CCP110: variants seen among roughly 807,000 people sequenced by gnomAD.
CCP110 encodes centriolar coiled-coil protein 110.
A neutral mutation model predicts 105.5 loss-of-function variants in CCP110; 43 were observed. The ratio of observed to expected loss-of-function variants is 0.41; its 90% CI spans 0.32 to 0.53. The LOEUF is 0.53. CCP110 is among the 20% of genes least tolerant of loss of function. The probability of loss-of-function intolerance (pLI) is 0.32; values close to 1 mark genes in which losing one functional copy is unlikely to be tolerated. For synonymous variants in CCP110, 353 were observed against 392.1 expected (o/e 0.90, Z 1.18); for missense variants, 1,016 against 1,189.1 (o/e 0.85, Z 2.14).
At chr16:19,537,541 A>T (rs1479922963) in exon 4 of CCP110, 2 of 1,588,658 alleles carry the variant, frequency 1.3e-6, no homozygotes, top group Non-Finnish European at 1.7e-6. Flanking sequence ...ACCCTAAGGG[A>T]TCTGGCTTCG....
chr16:19,537,273 G>A (rs746111903), exon 4 of CCP110: 4 of 1,614,130 alleles, frequency 2.5e-6, no homozygotes, highest in Non-Finnish European at 3.4e-6. Flanking sequence ...GAGAAAAACT[G>A]CAGTTTGCAA....
chr16:19,525,957 G>A (rs1222785075), intron 1 of CCP110: 2 of 152,642 alleles, frequency 1.3e-5, no homozygotes, highest in African/African-American at 2.4e-5. Context: ...CTTCTCTGAG[G>A]AGGGGATATC....
intron 14 of CCP110, among the ~76,000 whole-genome samples, chr16:19,549,963 A>G (rs1388199531): frequency 6.6e-6 from 1 of 152,240 alleles, no homozygotes; most frequent in Non-Finnish European, 1.5e-5. Context: ...AGTTAGTAAC[A>G]TACAATGAAG....
At chr16:19,529,517 ATTG>A (rs1272729126) in intron 2 of CCP110, among the ~76,000 whole-genome samples, 11 of 152,308 alleles carry the variant, frequency 7.2e-5, no homozygotes, top group African/African-American at 2.6e-4. Context: ...AATTTTTAAC[ATTG>A]TTGTCATCTT....
exon 4 of CCP110, chr16:19,535,996 CTCTAAT>C: frequency 6.2e-7 from 1 of 1,613,876 alleles, no homozygotes; most frequent in Non-Finnish European, 8.5e-7. Context: ...AAACAGTTTA[CTCTAAT>C]TCAGAAGTCA....
chr16:19,543,981 C>G (rs943916815), intron 8 of CCP110, among the ~76,000 whole-genome samples: 1 of 152,158 alleles, frequency 6.6e-6, no homozygotes, highest in Admixed American at 6.5e-5. Flanking sequence ...TCTTTGTTCT[C>G]CTTTTTGCCC....
Position 19,548,576 on chromosome 16 carries a change from G to A in CCP110, c.2962G>A (p.Val988Met). 1 of 1,549,280 alleles carries A rather than the reference G, an allele frequency of 6.5e-7. No homozygotes were observed. The highest frequency in any genetic ancestry group is 8.7e-7 in the Non-Finnish European group (1 of 1,146,022). The stretch of plus-strand genomic sequence containing the variant: ...TAGACAGAAGCCTTCACAGAGCAGA[G>A]TGCCTAACAGAGTGCCTGTTTCAGG... Residue 988 changes from valine (V) to methionine (M), a missense_variant, in exon 14 of 15, where the codon GTG becomes ATG. By Grantham distance (21) the Val-to-Met change is conservative. Coordinates refer to ENST00000381396, the Ensembl canonical transcript of CCP110. The surrounding 1 kb of genome is among the most constrained non-coding windows in gnomAD (Gnocchi z 4.1).
At chr16:19,527,501 A>G (rs776728670) in intron 1 of CCP110, among the ~76,000 whole-genome samples, 5 of 152,146 alleles carry the variant, frequency 3.3e-5, no homozygotes, top group Non-Finnish European at 5.9e-5. Context: ...TTTCTTGTGT[A>G]GATAAGTCCT....
In CCP110 at chr16:19,545,166, C is replaced by T. The variant is rs138289332; in HGVS notation, c.2659C>T (p.His887Tyr). 3.1e-6 allele frequency: 5 copies of T among 1,611,264 alleles called. No individual in the cohort carries two copies. In the African/African-American group the frequency reaches 6.7e-5, roughly 21 times the overall value. ...TGCAGCTGAAAGAATGTCTATTCTA[C>T]ATCATGATCGAGAAGTTCGCAAAGA... The change falls in exon 10 of 15, where the codon CAT becomes TAT. Residue 887 changes from histidine to tyrosine, a missense_variant. By Grantham distance (83) the His-to-Tyr change is moderately conservative. Transcript: ENST00000381396.
chr16:19,528,661 G>A (rs1013702705), intron 2 of CCP110, among the ~76,000 whole-genome samples: 2 of 152,084 alleles, frequency 1.3e-5, no homozygotes, highest in Admixed American at 6.5e-5. Flanking sequence ...TTGAGAGACC[G>A]GAAGGAAGAG....
intron 5 of CCP110, among the ~76,000 whole-genome samples, chr16:19,541,335 C>T (rs769255934): frequency 3.3e-5 from 5 of 151,612 alleles, no homozygotes; most frequent in Non-Finnish European, 7.4e-5. Context: ...TATACATTAT[C>T]ACATATTAAA....
chr16:19,550,210 G>C (rs967564649), intron 14 of CCP110, among the ~76,000 whole-genome samples: 4 of 149,786 alleles, frequency 2.7e-5, no homozygotes, highest in Non-Finnish European at 5.9e-5. Flanking sequence ...GGAGTGCATT[G>C]GTGTGATCTT....
chr16:19,529,939 C>A (rs113179195), intron 2 of CCP110, among the ~76,000 whole-genome samples: 2,161 of 152,186 alleles, frequency 0.014, 54 homozygotes, highest in African/African-American at 0.048. Flanking sequence ...CGCCTATAAT[C>A]CCAGCACTTT....
At position 19,542,860 on chromosome 16, in the gene CCP110, C is replaced by T; in HGVS notation, c.2368-18C>T. 1.3e-6 allele frequency: 2 copies of T among 1,542,758 alleles called. No individual in the cohort carries two copies. The highest frequency in any genetic ancestry group is 1.8e-6 in the Non-Finnish European group (2 of 1,115,476). On this transcript the variant is annotated intron_variant, in intron 7 of 14. Transcript: ENST00000381396. ...AAATGAACACCAATAAACATTGTGT[C>T]TGTCTTCTTTCTCCTAGGTTTTTAG...
At position 19,551,178 on chromosome 16, in the gene CCP110, G is replaced by A. The variant is rs753533027; in HGVS notation, c.2987-18G>A. ...AACCTCCCATTGAGAAGTAATACTG[G>A]TTTTGCTCTATTTTTAGGAGTATAT... is the stretch of plus-strand genomic sequence containing the variant. On this transcript the variant is annotated intron_variant, in intron 14 of 14. Coordinates refer to ENST00000381396, the Ensembl canonical transcript of CCP110. The A allele has an allele frequency of 6.4e-7, 1 of 1,559,792 alleles. No individual in the cohort carries two copies. The highest frequency in any genetic ancestry group is 8.8e-7 in the Non-Finnish European group (1 of 1,130,656).
At chr16:19,537,253 C>G in exon 4 of CCP110, 3 of 1,614,060 alleles carry the variant, frequency 1.9e-6, no homozygotes, top group Non-Finnish European at 2.5e-6. Flanking sequence ...TCAAGCCAGC[C>G]AGTATGTTAG....
intron 12 of CCP110, chr16:19,547,126 G>A (rs546352270): frequency 6.6e-5 from 10 of 152,362 alleles, no homozygotes; most frequent in African/African-American, 2.4e-4. Flanking sequence ...TTTAAGCTGG[G>A]CTGGGAGCAG....
At chr16:19,532,477 C>T (rs1969906200) in exon 3 of CCP110, 1 of 1,610,356 alleles carries the variant, frequency 6.2e-7, no homozygotes, top group Admixed American at 1.7e-5. Context: ...GATGTAGAAG[C>T]AAGAAAGCAG....
At chr16:19,540,113 C>G (rs1970225715) in intron 4 of CCP110, among the ~76,000 whole-genome samples, 1 of 152,164 alleles carries the variant, frequency 6.6e-6, no homozygotes, top group South Asian at 2.1e-4. Context: ...TTCAACATGT[C>G]TTACCACATT....
Sources: allele counts gnomAD v4.1 joint callset (sites outside exome capture counted in the v4.1 genomes callset), GRCh38; gene constraint gnomAD v4.1.1; non-coding constraint Gnocchi (gnomAD v3.1); transcripts MANE v1.5; gene names NCBI Gene and HGNC (gene_info 2026-07-23, HGNC 2026-07-21).